Variants in CAGE1 observed in about 807,000 individuals in gnomAD.
CAGE1 encodes the protein cancer antigen 1.
CAGE1 carries 66 observed loss-of-function variants against 94.9 expected under a neutral mutation model. That is an observed-to-expected ratio of 0.70 (90% CI 0.57 to 0.85). The LOEUF (loss-of-function observed/expected upper bound fraction) is 0.85. Among genes scored for constraint, CAGE1 ranks in the 40% least tolerant of loss-of-function variants. The pLI, the probability that CAGE1 is intolerant of heterozygous loss-of-function variation, is 0.00. For missense variants in CAGE1, 865 were observed against 950.4 expected, an observed-to-expected ratio of 0.91 and a Z score of 1.18; for synonymous variants, 319 against 321.0, an observed-to-expected ratio of 0.99 and a Z score of 0.07.
intron 11 of CAGE1, 114 bp downstream of exon 11, chr6:7,354,927 A>T: frequency 1.4e-6 from 1 of 715,482 alleles, no homozygotes; most frequent in Admixed American, 2.7e-5. Context: ...GAACTTAATT[A>T]ATAAAACTGC....
At chr6:7,360,079 G>A (rs756673107) in intron 9 of CAGE1, among the ~76,000 whole-genome samples, 8 of 152,114 alleles carry the variant, frequency 5.3e-5, no homozygotes, top group Admixed American at 2.0e-4. Flanking sequence ...AGCAAGTGTC[G>A]TAGCTTTGAA....
intron 9 of CAGE1, among the ~76,000 whole-genome samples, chr6:7,359,068 C>T (rs570301863): frequency 3.2e-4 from 48 of 150,106 alleles, no homozygotes; most frequent in Admixed American, 6.6e-4. Context: ...TTTTTTGAAA[C>T]GGAGTTTCGC....
At chr6:7,388,672 T>G (rs1182142859) in intron 1 of CAGE1, among the ~76,000 whole-genome samples, 1 of 152,246 alleles carries the variant, frequency 6.6e-6, no homozygotes, top group Non-Finnish European at 1.5e-5. Context: ...TTTTATTGAA[T>G]TTCTGAATGA....
chr6:7,374,536 C>CTT (rs67377444), intron 4 of CAGE1, among the ~76,000 whole-genome samples: 161 of 150,106 alleles, frequency 1.1e-3, no homozygotes, highest in Middle Eastern at 6.9e-3. Flanking sequence ...CAAGTTCTCT[C>CTT]TCTTTTTTTT....
chr6:7,351,573 G>GAAAA (rs56766681), intron 11 of CAGE1, among the ~76,000 whole-genome samples: 1 of 134,616 alleles, frequency 7.4e-6, no homozygotes, highest in East Asian at 2.1e-4. Context: ...TTTTGGAATA[G>GAAAA]AAAAAAAAAA....
intron 11 of CAGE1, among the ~76,000 whole-genome samples, chr6:7,342,411 G>C (rs867800926): frequency 1.3e-5 from 2 of 152,232 alleles, no homozygotes; most frequent in Non-Finnish European, 2.9e-5. Context: ...CGCAAGTGCA[G>C]CATCATCTCA....
At chr6:7,376,076 A>G (rs1419410400) in intron 4 of CAGE1, among the ~76,000 whole-genome samples, 1 of 152,148 alleles carries the variant, frequency 6.6e-6, no homozygotes, top group Non-Finnish European at 1.5e-5. Flanking sequence ...GTTAGTTATC[A>G]CAAGTGGATT....
At chr6:7,328,918 G>GTATA (rs1289027242) in intron 13 of CAGE1, among the ~76,000 whole-genome samples, 6 of 44,002 alleles carry the variant, frequency 1.4e-4, no homozygotes, top group East Asian at 1.8e-3. Context: ...GTGTGTGTGT[G>GTATA]TATATATATA....
intron 4 of CAGE1, among the ~76,000 whole-genome samples, chr6:7,375,431 CA>C (rs1033186879): frequency 2.0e-5 from 3 of 151,200 alleles, no homozygotes; most frequent in African/African-American, 7.3e-5. Context: ...AACAAACAAA[CA>C]AAAAAAACAA....
chr6:7,366,941 T>C (rs1290951748), intron 7 of CAGE1, among the ~76,000 whole-genome samples: 1 of 152,234 alleles, frequency 6.6e-6, no homozygotes, highest in Admixed American at 6.5e-5. Flanking sequence ...TTTATAATCA[T>C]TTCTTATTTA....
intron 3 of CAGE1, 59 bp downstream of exon 3, chr6:7,385,719 GTTACTAT>G: frequency 1.1e-6 from 1 of 879,200 alleles, no homozygotes; most frequent in Non-Finnish European, 1.7e-6. Context: ...CCTGGCTATT[GTTACTAT>G]CACGGAACAC....
At chr6:7,385,433 A>G (rs534155317) in intron 3 of CAGE1, among the ~76,000 whole-genome samples, 58 of 152,166 alleles carry the variant, frequency 3.8e-4, no homozygotes, top group African/African-American at 1.4e-3. Context: ...CTTCCAAAGC[A>G]CTGGTATTAT....
chr6:7,358,027 G>GAGAGATATAT (rs1314868882), intron 9 of CAGE1, among the ~76,000 whole-genome samples: 1 of 48,082 alleles, frequency 2.1e-5, no homozygotes, highest in African/African-American at 5.9e-5. Flanking sequence ...TAAGTTTTGA[G>GAGAGATATAT]ATATATATAT....
intron 11 of CAGE1, among the ~76,000 whole-genome samples, chr6:7,351,006 ATCAT>A (rs1381537196): frequency 1.3e-5 from 2 of 152,196 alleles, no homozygotes; most frequent in African/African-American, 4.8e-5. Flanking sequence ...AAATTGATAG[ATCAT>A]TTATTAGATA....
chr6:7,338,162 CT>C (rs1296376187), intron 11 of CAGE1, among the ~76,000 whole-genome samples: 2 of 152,098 alleles, frequency 1.3e-5, no homozygotes, highest in African/African-American at 4.8e-5. Flanking sequence ...GATCCTGCAA[CT>C]TTTTTTGTAG....
At chr6:7,388,640 C>T (rs758931873) in intron 1 of CAGE1, among the ~76,000 whole-genome samples, 1 of 152,212 alleles carries the variant, frequency 6.6e-6, no homozygotes, top group Non-Finnish European at 1.5e-5. Flanking sequence ...AATTTATAGT[C>T]ATTACTCATC....
In CAGE1 at chr6:7,373,254, A is replaced by G. The variant is rs765170075; in HGVS notation, c.1565T>C (p.Met522Thr). The stretch of plus-strand genomic sequence containing the variant: ...ATTCTTCGTTCTTTCATTTTCAGAC[A>G]TAAATTGCAAATTTCTAACTTGAGT... ...LLTQVRNLQF[M>T]SENERTKNIK... is the part of the protein sequence containing the mutation. The change falls in exon 5 of 14, where the codon ATG (methionine) becomes ACG (threonine). Residue 522 changes from methionine (M) to threonine (T), a missense_variant. Coordinates refer to ENST00000502583, the MANE Select transcript of CAGE1 (RefSeq NM_001170692.2). The G allele has an allele frequency of 1.4e-5, 22 of 1,603,920 alleles. No homozygotes were observed. The South Asian group carries it at 2.4e-4, about 18-fold the overall frequency.
In CAGE1 at chr6:7,345,628, G is replaced by A. The variant is rs558856876; in HGVS notation, c.2369+9413C>T. Among the ~76,000 whole-genome samples, 4 of 152,160 alleles carry A rather than the reference G, an allele frequency of 2.6e-5. No individual in the cohort carries two copies. In the South Asian group the frequency reaches 8.3e-4, roughly 32 times the overall value. On this transcript the variant is annotated intron_variant, in intron 11 of 13. Transcript: ENST00000502583. The stretch of plus-strand genomic sequence containing the variant: ...CAGCTGTTTCTAACGTCTAAGGCCT[G>A]TGAACGGAAAAATTACAGGCCCGGC...
intron 12 of CAGE1, among the ~76,000 whole-genome samples, chr6:7,333,111 T>C (rs1758813416): frequency 1.3e-5 from 2 of 152,044 alleles, no homozygotes; most frequent in South Asian, 4.2e-4. Context: ...CCACCATGCC[T>C]GGCTAATTTT....
Sources: allele counts gnomAD v4.1 joint callset (sites outside exome capture counted in the v4.1 genomes callset), GRCh38; gene constraint gnomAD v4.1.1; transcripts MANE v1.5; gene names NCBI Gene and HGNC (gene_info 2026-07-23, HGNC 2026-07-21).